Variants in USH2A observed in about 807,000 individuals in gnomAD.
The protein encoded by USH2A is usherin, also known as Usher syndrome 2A (autosomal recessive, mild).
USH2A carries 443 observed loss-of-function variants against 538.9 expected under a neutral mutation model. The observed-to-expected ratio is 0.82, with a 90% CI of 0.76 to 0.89. USH2A has a LOEUF of 0.89. Among genes scored for constraint, USH2A ranks in the 40% least tolerant of loss-of-function variants. The probability of loss-of-function intolerance (pLI) is 0.00; values close to 1 mark genes in which losing one functional copy is unlikely to be tolerated. For synonymous variants in USH2A, 2,413 were observed against 2,273.5 expected (o/e 1.06, Z -1.75); for missense variants, 6,633 against 6,324.8 (o/e 1.05, Z -1.65).
chr1:216,146,421 A>G (rs896503115), intron 21 of USH2A, among the ~76,000 whole-genome samples: 6 of 152,186 alleles, frequency 3.9e-5, no homozygotes, highest in African/African-American at 1.2e-4. Flanking sequence ...TAATCATTGC[A>G]GGGACACCTC....
At chr1:216,071,015 T>C (rs2031541200) in intron 29 of USH2A, among the ~76,000 whole-genome samples, 1 of 152,128 alleles carries the variant, frequency 6.6e-6, no homozygotes, top group South Asian at 2.1e-4. Flanking sequence ...ATTTAAAAAA[T>C]CTATTACCTT....
chr1:216,078,194 C>A lies in USH2A; in HGVS notation c.5467G>T (p.Ala1823Ser). The A allele has an allele frequency of 6.2e-7, 1 of 1,613,824 alleles. No homozygotes were observed. Among genetic ancestry groups the A allele is most frequent in the South Asian group, 1.1e-5 (1 of 91,086 alleles). ...AGTGGCTGGTCTCCGGACTCCGATG[C>A]ATGCTTCATCAGTCCATTCACACTT... ...SASVNGLMKH[A>S]SESGDQPLVV... The change falls in exon 27 of 72, where the codon GCA becomes TCA. Residue 1823 changes from alanine (A) to serine (S), a missense_variant. Coordinates refer to ENST00000307340, the MANE Select transcript of USH2A (RefSeq NM_206933.4).
chr1:215,834,792 C>T (rs1169459713), intron 47 of USH2A, among the ~76,000 whole-genome samples: 1 of 150,636 alleles, frequency 6.6e-6, no homozygotes, highest in East Asian at 1.9e-4. Context: ...AAATTTTCTC[C>T]CTCTTTTCCT....
intron 49 of USH2A, among the ~76,000 whole-genome samples, chr1:215,810,053 T>C (rs915885472): frequency 1.3e-5 from 2 of 152,166 alleles, no homozygotes; most frequent in Non-Finnish European, 2.9e-5. Context: ...ACTCTTTGAT[T>C]ATTTCATGAG....
Position 216,151,972 on chromosome 1 carries a change from A to C in USH2A, c.4627+23280T>G, listed in dbSNP as rs187045574. On this transcript the variant is annotated intron_variant, in intron 21 of 71. Coordinates refer to ENST00000307340, the MANE Select transcript of USH2A (RefSeq NM_206933.4). ...CCAAAACCATATCCAGGCCATCACC[A>C]ATCATTCTATACGACAAATGTTTCT... is the stretch of plus-strand genomic sequence containing the variant. Among the ~76,000 whole-genome samples the C allele has an allele frequency of 5.9e-3, 897 of 152,120 alleles. 7 individuals carry two copies. Among genetic ancestry groups the C allele is most frequent in the African/African-American group, 0.02 (850 of 41,470 alleles).
At chr1:216,101,865 C>T (rs1402303004) in intron 21 of USH2A, among the ~76,000 whole-genome samples, 4 of 152,156 alleles carry the variant, frequency 2.6e-5, no homozygotes, top group Non-Finnish European at 5.9e-5. Context: ...GTAAAATAAA[C>T]TTACATCCAT....
chr1:215,937,758 C>G (rs915240559), intron 37 of USH2A, among the ~76,000 whole-genome samples: 6 of 152,008 alleles, frequency 3.9e-5, no homozygotes, highest in Non-Finnish European at 7.4e-5. Flanking sequence ...ATTTGTAAAG[C>G]AACAATGGAA....
rs1301657850 is a variant in USH2A, at chr1:215,741,476, A to C, written c.11610T>G (p.Leu3870=). 1.1e-5 allele frequency: 17 copies of C among 1,613,994 alleles called. No individual in the cohort carries two copies. Among genetic ancestry groups the C allele is most frequent in the Non-Finnish European group, 1.4e-5 (16 of 1,180,016 alleles). The change falls in exon 60 of 72, where the codon CTT becomes CTG. Residue 3870 remains leucine (L), a synonymous_variant. Transcript: ENST00000307340. ...VKTPEAAPMD[L]NSPVLKALGS... ...CCAGTGCCTTAAGAACAGGAGAATT[A>C]AGATCCATTGGGGCTGCTTCAGGTG...
At chr1:216,213,389 T>C (rs1346732866) in intron 15 of USH2A, among the ~76,000 whole-genome samples, 1 of 152,072 alleles carries the variant, frequency 6.6e-6, no homozygotes, top group African/African-American at 2.4e-5. Context: ...TGTCTGATCT[T>C]AGATCTCAGT....
intron 21 of USH2A, among the ~76,000 whole-genome samples, chr1:216,147,831 A>G (rs1406422073): frequency 5.9e-5 from 9 of 151,456 alleles, no homozygotes; most frequent in South Asian, 4.2e-4. Flanking sequence ...CACGTGCTGG[A>G]AATCTGGCCA....
chr1:216,236,153 AT>A (rs1357870539), intron 13 of USH2A, among the ~76,000 whole-genome samples: 6 of 152,030 alleles, frequency 3.9e-5, no homozygotes, highest in Non-Finnish European at 7.4e-5. Context: ...TTTTAAAACA[AT>A]TTTTAAGGGT....
At chr1:215,927,356 A>G (rs909649078) in intron 38 of USH2A, among the ~76,000 whole-genome samples, 20 of 152,162 alleles carry the variant, frequency 1.3e-4, no homozygotes, top group African/African-American at 4.8e-4. Flanking sequence ...CAAACTATGC[A>G]TTATGAATAT....
In USH2A at chr1:216,247,162, ACATC is replaced by A. The variant is rs1305146157; in HGVS notation, c.2228_2231del (p.Gly743ValfsTer12). 6.2e-7 allele frequency: 1 copy of A among 1,614,122 alleles called. No individual in the cohort carries two copies. Among genetic ancestry groups the A allele is most frequent in the Admixed American group, 1.7e-5 (1 of 60,020 alleles). On this transcript the variant is annotated frameshift_variant, in exon 13 of 72. Transcript: ENST00000307340. LOFTEE classifies it high-confidence loss of function. ...CATGGAGGTTACACTGGCAGGGCTC[ACATC>A]CAACATCATTAAAGCTTCGGAGAAA...
rs542566753 is a variant in USH2A, at chr1:215,853,779, G to A, written c.8846-7746C>T. Among the ~76,000 whole-genome samples the A allele has an allele frequency of 2.0e-4, 31 of 152,264 alleles. 1 individual carries two copies. Among genetic ancestry groups the A allele is most frequent in the Non-Finnish European group, 1.3e-4 (9 of 68,022 alleles). ...CAGTCTCTTTGCTAAAACATAACAAGAGTCACCTTTGTTCCAGTTCCCAAC... is the reference window on the plus strand; with the variant it reads ...CAGTCTCTTTGCTAAAACATAACAAAAGTCACCTTTGTTCCAGTTCCCAAC... On this transcript the variant is annotated intron_variant, in intron 44 of 71. Transcript: ENST00000307340.
chr1:216,202,097 C>T (rs2035014272), intron 16 of USH2A, among the ~76,000 whole-genome samples: 1 of 152,196 alleles, frequency 6.6e-6, no homozygotes. Flanking sequence ...TCACTGAAGG[C>T]TAGAACAACG....
At chr1:216,197,673 T>A (rs2034882241) in intron 18 of USH2A, among the ~76,000 whole-genome samples, 1 of 152,182 alleles carries the variant, frequency 6.6e-6, no homozygotes, top group African/African-American at 2.4e-5. Flanking sequence ...AAAAGTGTAT[T>A]TTTTTTCTTA....
Position 215,799,347 on chromosome 1 carries a change from C to T in USH2A, c.9740-222G>A, listed in dbSNP as rs186369307. On this transcript the variant is annotated intron_variant, in intron 49 of 71. Coordinates refer to ENST00000307340, the MANE Select transcript of USH2A (RefSeq NM_206933.4). ...CACACATGGCAACTTACAGGTAAGTCTATGTTGTCTATTTCCTCACCATCA... is the reference window on the plus strand; with the variant it reads ...CACACATGGCAACTTACAGGTAAGTTTATGTTGTCTATTTCCTCACCATCA... Among the ~76,000 whole-genome samples the T allele has an allele frequency of 4.4e-3, 672 of 152,290 alleles. 10 individuals carry two copies. The highest frequency in any genetic ancestry group is 4.1e-3 in the Non-Finnish European group (277 of 68,024).
intron 44 of USH2A, among the ~76,000 whole-genome samples, chr1:215,847,689 G>A (rs1022458316): frequency 2.6e-5 from 4 of 151,754 alleles, no homozygotes; most frequent in African/African-American, 9.7e-5. Flanking sequence ...ATTAGTCCAA[G>A]GATTGGGAGG....
At chr1:216,299,249 G>A (rs144226455) in intron 9 of USH2A, among the ~76,000 whole-genome samples, 97 of 150,722 alleles carry the variant, frequency 6.4e-4, no homozygotes, top group African/African-American at 2.3e-3. Flanking sequence ...GCAAGAGAGT[G>A]GTTTAAGATG....
Sources: gnomAD v4.1 joint callset for allele counts (sites outside exome capture counted in the v4.1 genomes callset) on GRCh38, gnomAD v4.1.1 for gene constraint, MANE v1.5 for transcripts, NCBI Gene and HGNC (gene_info 2026-07-23, HGNC 2026-07-21) for gene names.